CCDC178: variants seen among roughly 807,000 people sequenced by gnomAD.
The protein encoded by CCDC178 is coiled-coil domain-containing protein 178.
In CCDC178, 126 loss-of-function variants were observed where a neutral mutation model predicts 117.4. The ratio of observed to expected loss-of-function variants is 1.07; its 90% CI spans 0.93 to 1.24. The LOEUF is 1.24. Among genes scored for constraint, CCDC178 ranks in the 50% most tolerant of loss-of-function variants. CCDC178 has a pLI of 0.00. For synonymous variants in CCDC178, 283 were observed against 313.4 expected (o/e 0.90, Z 1.02); for missense variants, 1,030 against 986.9 (o/e 1.04, Z -0.59).
chr18:33,300,926 A>G (rs892979519), intron 11 of CCDC178, among the ~76,000 whole-genome samples: 1 of 152,350 alleles, frequency 6.6e-6, no homozygotes, highest in South Asian at 2.1e-4. Context: ...CTTGCTAGAA[A>G]GATTAGTATG....
intron 18 of CCDC178, among the ~76,000 whole-genome samples, chr18:33,220,621 A>C (rs574863852): frequency 6.6e-6 from 1 of 152,204 alleles, no homozygotes; most frequent in Non-Finnish European, 1.5e-5. Flanking sequence ...TGCAATACTA[A>C]GTACTTCACA....
At chr18:33,233,516 A>T (rs1245213543) in intron 15 of CCDC178, among the ~76,000 whole-genome samples, 1 of 152,126 alleles carries the variant, frequency 6.6e-6, no homozygotes, top group Non-Finnish European at 1.5e-5. Context: ...TTTAGAACCC[A>T]CGCATTTATC....
intron 6 of CCDC178, among the ~76,000 whole-genome samples, chr18:33,363,526 AT>A (rs2063157911): frequency 6.6e-6 from 1 of 152,074 alleles, no homozygotes; most frequent in South Asian, 2.1e-4. Context: ...TTGGTCCTAG[AT>A]TTGGGGAACC....
At chr18:33,357,609 A>C (rs2063073832) in intron 6 of CCDC178, among the ~76,000 whole-genome samples, 1 of 152,104 alleles carries the variant, frequency 6.6e-6, no homozygotes, top group African/African-American at 2.4e-5. Flanking sequence ...CCTTTTCTGG[A>C]CTATAAAGTC....
intron 20 of CCDC178, among the ~76,000 whole-genome samples, chr18:33,104,154 C>T (rs1300846235): frequency 6.6e-6 from 1 of 151,720 alleles, no homozygotes; most frequent in African/African-American, 2.4e-5. Flanking sequence ...TGCCACTGCT[C>T]TCTCTTAAAA....
At chr18:33,286,855 AT>A (rs1184610490) in intron 12 of CCDC178, among the ~76,000 whole-genome samples, 3 of 152,180 alleles carry the variant, frequency 2.0e-5, no homozygotes, top group African/African-American at 7.2e-5. Context: ...CCTTTTTTAT[AT>A]TACAAGAAAC....
At chr18:33,436,043 C>T (rs1157845405) in intron 2 of CCDC178, among the ~76,000 whole-genome samples, 1 of 151,196 alleles carries the variant, frequency 6.6e-6, no homozygotes, top group Non-Finnish European at 1.5e-5. Context: ...TATTATAGAA[C>T]TATAGTTGGA....
At chr18:33,311,684 C>G (rs1046286272) in intron 11 of CCDC178, among the ~76,000 whole-genome samples, 5 of 152,176 alleles carry the variant, frequency 3.3e-5, no homozygotes, top group African/African-American at 1.2e-4. Flanking sequence ...CTTGTGCCAC[C>G]AAGGTGCTTC....
At chr18:33,074,737 C>A (rs2145009961) in intron 21 of CCDC178, among the ~76,000 whole-genome samples, 1 of 152,176 alleles carries the variant, frequency 6.6e-6, no homozygotes, top group African/African-American at 2.4e-5. Context: ...CAAGATGAGA[C>A]CAGATACACC....
rs182112636 is a variant in CCDC178, at chr18:32,939,010, C to T, written c.2524-919G>A. On this transcript the variant is annotated intron_variant, in intron 22 of 22. Transcript: ENST00000383096. ...TTTGGGTAATTATCATACGTCTCAT[C>T]CCTTCAGTGCTATTTATAGTCTCTA... Among the ~76,000 whole-genome samples, 503 of 152,138 alleles carry T rather than the reference C, an allele frequency of 3.3e-3. 4 individuals carry two copies. The highest frequency in any genetic ancestry group is 5.6e-3 in the Non-Finnish European group (381 of 67,968).
At chr18:33,007,016 T>C (rs1329937387) in intron 21 of CCDC178, among the ~76,000 whole-genome samples, 1 of 152,042 alleles carries the variant, frequency 6.6e-6, no homozygotes, top group Non-Finnish European at 1.5e-5. Context: ...ATCTGATATG[T>C]GGAAATTGTG....
intron 10 of CCDC178, among the ~76,000 whole-genome samples, chr18:33,328,779 A>C (rs2062623837): frequency 6.6e-6 from 1 of 152,116 alleles, no homozygotes; most frequent in Admixed American, 6.6e-5. Context: ...TATTTTTGCT[A>C]TCTGGGGTTC....
chr18:32,945,383 G>C (rs895705703), intron 22 of CCDC178, among the ~76,000 whole-genome samples: 6 of 152,138 alleles, frequency 3.9e-5, no homozygotes, highest in African/African-American at 1.4e-4. Flanking sequence ...TTAGATTGCT[G>C]ATTACATGAA....
At chr18:33,213,998 T>C (rs949990590) in intron 19 of CCDC178, among the ~76,000 whole-genome samples, 1 of 152,046 alleles carries the variant, frequency 6.6e-6, no homozygotes, top group Non-Finnish European at 1.5e-5. Flanking sequence ...TGGGAACTTA[T>C]TGAAAATATC....
intron 6 of CCDC178, among the ~76,000 whole-genome samples, chr18:33,366,469 C>T (rs2063208686): frequency 6.6e-6 from 1 of 151,920 alleles, no homozygotes; most frequent in South Asian, 2.1e-4. Context: ...AAACCAGTTG[C>T]TTGCTTTGAC....
At chr18:33,223,012 G>T in intron 18 of CCDC178, 94 bp downstream of exon 18, 1 of 870,978 alleles carries the variant, frequency 1.1e-6, no homozygotes. Flanking sequence ...TAAGAAATGA[G>T]ACACATTCAT....
intron 20 of CCDC178, among the ~76,000 whole-genome samples, chr18:33,177,221 G>T (rs1435020901): frequency 1.3e-5 from 2 of 152,072 alleles, no homozygotes; most frequent in Non-Finnish European, 2.9e-5. Flanking sequence ...TTGAGGGAAA[G>T]GGGAAGGAGA....
intron 20 of CCDC178, among the ~76,000 whole-genome samples, chr18:33,111,787 A>C (rs1027565187): frequency 6.6e-6 from 1 of 151,750 alleles, no homozygotes; most frequent in Admixed American, 6.6e-5. Flanking sequence ...CATGGTGATT[A>C]TAAAGATAAA....
chr18:33,294,363 A>G (rs187930763), intron 11 of CCDC178, among the ~76,000 whole-genome samples: 1 of 152,306 alleles, frequency 6.6e-6, no homozygotes, highest in Non-Finnish European at 1.5e-5. Context: ...AGACTAGGAG[A>G]TTTATTTGAA....
Sources: allele counts gnomAD v4.1 joint callset (sites outside exome capture counted in the v4.1 genomes callset), GRCh38; gene constraint gnomAD v4.1.1; transcripts MANE v1.5; gene names NCBI Gene and HGNC (gene_info 2026-07-23, HGNC 2026-07-21).